The following DPP6 variants were observed in gnomAD, a reference collection of about 807,000 sequenced individuals.
DPP6 encodes dipeptidyl peptidase like 6.
Under a neutral mutation model 122.6 loss-of-function variants are expected in DPP6, and 69 were observed. The observed-to-expected ratio is 0.56, with a 90% CI of 0.46 to 0.69. DPP6 has a LOEUF of 0.69. Ranked by LOEUF, DPP6 falls within the 30% of genes least tolerant of loss-of-function variation. The probability of loss-of-function intolerance (pLI) is 0.00; values close to 1 mark genes in which losing one functional copy is unlikely to be tolerated. For missense variants in DPP6, 928 were observed against 1,116.9 expected, an observed-to-expected ratio of 0.83 and a Z score of 2.41; for synonymous variants, 418 against 433.1, an observed-to-expected ratio of 0.97 and a Z score of 0.43.
chr7:153,869,917 T>C, the DPP6 span, among the ~76,000 whole-genome samples: 1 of 152,228 alleles, frequency 6.6e-6, no homozygotes, highest in Admixed American at 6.5e-5. Flanking sequence ...TGAAGCTTAG[T>C]TTGGCTGGAT....
intron 1 of DPP6, among the ~76,000 whole-genome samples, chr7:154,108,463 C>T (rs1563207010): frequency 1.3e-5 from 2 of 152,138 alleles, no homozygotes; most frequent in East Asian, 3.8e-4. Context: ...TGACTTTATC[C>T]TGGAGAACAC....
chr7:153,947,209 C>T (rs1475093742), intron 1 of DPP6, among the ~76,000 whole-genome samples: 1 of 152,192 alleles, frequency 6.6e-6, no homozygotes, highest in African/African-American at 2.4e-5. Flanking sequence ...TCACTTACTG[C>T]ATTCCTTTCC....
At chr7:154,437,341 T>C (rs1228789391) in intron 1 of DPP6, among the ~76,000 whole-genome samples, 1 of 152,200 alleles carries the variant, frequency 6.6e-6, no homozygotes, top group Admixed American at 6.5e-5. Flanking sequence ...TTTGAGTAAT[T>C]TGATACCTAA....
chr7:154,252,062 C>T (rs1802381498), intron 1 of DPP6, among the ~76,000 whole-genome samples: 1 of 152,208 alleles, frequency 6.6e-6, no homozygotes, highest in Non-Finnish European at 1.5e-5. Context: ...TTGCAATGTA[C>T]AGTCTAGCAG....
chr7:154,370,668 AAAAG>A, intron 1 of DPP6, among the ~76,000 whole-genome samples: 2 of 152,330 alleles, frequency 1.3e-5, no homozygotes, highest in East Asian at 3.9e-4. Flanking sequence ...TCACCAATAA[AAAAG>A]CATTTGAATG....
intron 1 of DPP6, among the ~76,000 whole-genome samples, chr7:154,327,656 CA>C (rs1345436930): frequency 6.6e-6 from 1 of 152,156 alleles, no homozygotes; most frequent in Non-Finnish European, 1.5e-5. Context: ...ATTTAGAACT[CA>C]AAAACCTCAT....
chr7:153,798,809 T>C, the DPP6 span, among the ~76,000 whole-genome samples: 2 of 152,180 alleles, frequency 1.3e-5, no homozygotes, highest in African/African-American at 4.8e-5. Flanking sequence ...ACAGTCCCAC[T>C]GGGGGGTGAT....
chr7:154,483,299 C>T lies in DPP6; in HGVS notation c.457+8262C>T, dbSNP rs763639035. Among the ~76,000 whole-genome samples the T allele has an allele frequency of 1.2e-4, 19 of 152,128 alleles. No homozygotes were observed. The highest frequency in any genetic ancestry group is 2.4e-4 in the Non-Finnish European group (16 of 68,012). Reference sequence around the variant, plus strand: ...TCTTCCTGGCTCACAGCCCCAGGGACGTGTTTGTGTAGACAATAGTGGTGA... The same window carrying T: ...TCTTCCTGGCTCACAGCCCCAGGGATGTGTTTGTGTAGACAATAGTGGTGA... On this transcript the variant is annotated intron_variant, in intron 3 of 25. Coordinates refer to ENST00000377770, the MANE Select transcript of DPP6 (RefSeq NM_130797.4). The surrounding 1 kb of genome is among the most constrained non-coding windows in gnomAD (Gnocchi z 8.1).
At chr7:154,399,971 G>C (rs528613006) in intron 1 of DPP6, among the ~76,000 whole-genome samples, 1 of 152,210 alleles carries the variant, frequency 6.6e-6, no homozygotes, top group South Asian at 2.1e-4. Context: ...AGGCCGAGAA[G>C]TCTAGGTGTG....
intron 1 of DPP6, among the ~76,000 whole-genome samples, chr7:154,117,209 A>G (rs886728732): frequency 1.3e-5 from 2 of 152,164 alleles, no homozygotes; most frequent in African/African-American, 4.8e-5. Context: ...TAAATTTTAA[A>G]TACAAGTTTT....
chr7:154,366,991 T>C (rs866649890), intron 1 of DPP6, among the ~76,000 whole-genome samples: 1 of 152,188 alleles, frequency 6.6e-6, no homozygotes, highest in Non-Finnish European at 1.5e-5. Context: ...CTCTTCGATG[T>C]CACAGAAGGA....
intron 22 of DPP6, among the ~76,000 whole-genome samples, chr7:154,886,896 T>G (rs921674448): frequency 1.3e-5 from 2 of 152,244 alleles, no homozygotes; most frequent in South Asian, 4.1e-4. Flanking sequence ...AAATTTTAAC[T>G]CGTACAGGAA....
intron 1 of DPP6, among the ~76,000 whole-genome samples, chr7:153,988,653 G>T (rs1796967893): frequency 6.6e-6 from 1 of 152,214 alleles, no homozygotes; most frequent in Non-Finnish European, 1.5e-5. Context: ...GGAGAAAGGG[G>T]TGCTCCAAGC....
chr7:154,404,054 G>T (rs1815868434), intron 1 of DPP6, among the ~76,000 whole-genome samples: 1 of 152,186 alleles, frequency 6.6e-6, no homozygotes, highest in South Asian at 2.1e-4. Flanking sequence ...CCAGAGATTA[G>T]CTCATTATAG....
intron 1 of DPP6, among the ~76,000 whole-genome samples, chr7:154,053,707 G>A (rs1322448112): frequency 1.3e-5 from 2 of 152,146 alleles, no homozygotes; most frequent in African/African-American, 4.8e-5. Flanking sequence ...CTTTTGCTGA[G>A]AGCCCTCAGG....
rs537595010 is a variant in DPP6 at position 154,142,331 on chromosome 7, T to G, written c.243+89268T>G. 5.6e-4 allele frequency among the ~76,000 whole-genome samples: 86 copies of G among 152,254 alleles called. 1 individual carries two copies. In the South Asian group the frequency reaches 0.012, roughly 22 times the overall value. ...ATTGGATAATGTATTTGGTTTGAGA[T>G]TTGGGTTTCCAAACTGAATATATAA... is the stretch of plus-strand genomic sequence containing the variant. On this transcript the variant is annotated intron_variant, in intron 1 of 25. Coordinates refer to ENST00000377770, the MANE Select transcript of DPP6 (RefSeq NM_130797.4).
intron 3 of DPP6, among the ~76,000 whole-genome samples, chr7:154,504,489 C>T (rs1229603176): frequency 6.6e-6 from 1 of 152,034 alleles, no homozygotes; most frequent in Admixed American, 6.6e-5. Flanking sequence ...CCAAGAGCCT[C>T]AATAATTATT....
At chr7:154,872,803 T>TGTTGCAAACTGAAAACATAACATC in intron 19 of DPP6, 110 bp downstream of exon 19, 1 of 1,526,008 alleles carries the variant, frequency 6.6e-7, no homozygotes, top group Non-Finnish European at 8.9e-7. Flanking sequence ...GAAATGACAT[T>TGTTGCAAACTGAAAACATAACATC]GTTGCAAACT....
intron 1 of DPP6, among the ~76,000 whole-genome samples, chr7:153,996,893 T>A (rs1158987781): frequency 6.6e-6 from 1 of 152,200 alleles, no homozygotes; most frequent in African/African-American, 2.4e-5. Flanking sequence ...GTATGTTATA[T>A]GAATGTTGAG....
Sources: allele counts gnomAD v4.1 joint callset (sites outside exome capture counted in the v4.1 genomes callset), GRCh38; gene constraint gnomAD v4.1.1; non-coding constraint Gnocchi (gnomAD v3.1); transcripts MANE v1.5; gene names NCBI Gene and HGNC (gene_info 2026-07-23, HGNC 2026-07-21).